RELL1: variants seen among roughly 807,000 people sequenced by gnomAD.
RELL1 encodes RELT-like protein 1.
RELL1 carries 10 observed loss-of-function variants against 23.0 expected under a neutral mutation model. The ratio of observed to expected loss-of-function variants is 0.43; its 90% CI spans 0.27 to 0.74. The LOEUF is 0.74. Among genes scored for constraint, RELL1 ranks in the 30% least tolerant of loss-of-function variants. The pLI, the probability that RELL1 is intolerant of heterozygous loss-of-function variation, is 0.19. For synonymous variants in RELL1, 146 were observed against 146.8 expected (o/e 0.99, Z 0.04); for missense variants, 315 against 364.4 (o/e 0.86, Z 1.10).
intron 3 of RELL1, among the ~76,000 whole-genome samples, chr4:37,646,594 T>C (rs1386001226): frequency 6.6e-6 from 1 of 152,210 alleles, no homozygotes; most frequent in Non-Finnish European, 1.5e-5. Flanking sequence ...TACTAAATTT[T>C]ATGTGTATTT....
At chr4:37,641,937 A>G (rs1163290976) in intron 3 of RELL1, among the ~76,000 whole-genome samples, 1 of 152,186 alleles carries the variant, frequency 6.6e-6, no homozygotes, top group East Asian at 1.9e-4. Flanking sequence ...TTACAAGTAT[A>G]CAGACTAAGA....
chr4:37,647,728 CTCA>C (rs1434988415), intron 2 of RELL1, among the ~76,000 whole-genome samples: 2 of 152,198 alleles, frequency 1.3e-5, no homozygotes, highest in African/African-American at 4.8e-5. Flanking sequence ...TTATTTCTCT[CTCA>C]TCATTTTCTT....
intron 6 of RELL1, among the ~76,000 whole-genome samples, chr4:37,617,068 A>C (rs1198399622): frequency 2.4e-4 from 37 of 152,342 alleles, no homozygotes; most frequent in Non-Finnish European, 1.5e-5. Context: ...TGTTTAACAA[A>C]CCCAATAGAT....
chr4:37,603,795 G>A (rs1719078821), intron 6 of RELL1, among the ~76,000 whole-genome samples: 1 of 152,272 alleles, frequency 6.6e-6, no homozygotes, highest in Admixed American at 6.5e-5. Context: ...AACAGGCAGT[G>A]CTGGTTGCTT....
rs1274888179 is a variant in RELL1, at chr4:37,603,811, TG to T, written c.*4-12595del. ...ACAGGCAGTGCTGGTTGCTTTTTTT[TG>T]TTGTTGTTGTTTGTTTGTTTGTTTG... On this transcript the variant is annotated intron_variant, in intron 6 of 6. Coordinates refer to the RELL1 transcript ENST00000314117. Among the ~76,000 whole-genome samples, 175 of 152,166 alleles carry T rather than the reference TG, an allele frequency of 1.2e-3. 3 individuals carry two copies. Among genetic ancestry groups the T allele is most frequent in the African/African-American group, 3.6e-3 (151 of 41,496 alleles).
rs1719347377 is a variant in RELL1 at position 37,610,749 on chromosome 4, A to AT, written c.*2596dup. On this transcript the variant is annotated 3_prime_UTR_variant, in exon 7 of 7. Coordinates refer to ENST00000454158, the MANE Select transcript of RELL1 (RefSeq NM_001085400.2). The surrounding 1 kb of genome is among the most constrained non-coding windows in gnomAD (Gnocchi z 4.1). The stretch of plus-strand genomic sequence containing the variant: ...GAAATGGTGAAAATTTTCCTTACAA[A>AT]TTTTTACATCAAGGTAGTAGCCAAC... Among the ~76,000 whole-genome samples, 1 of 152,172 alleles carries AT rather than the reference A, an allele frequency of 6.6e-6. No individual in the cohort carries two copies.
At chr4:37,598,284 A>AAAAAAAAAAAAAAG (rs869260737) in intron 6 of RELL1, among the ~76,000 whole-genome samples, 4 of 117,254 alleles carry the variant, frequency 3.4e-5, no homozygotes, top group African/African-American at 7.4e-5. Flanking sequence ...AAAAAAAAAA[A>AAAAAAAAAAAAAAG]GTTTATAGGA....
At chr4:37,660,860 T>C (rs1328423948) in intron 1 of RELL1, among the ~76,000 whole-genome samples, 10 of 151,984 alleles carry the variant, frequency 6.6e-5, no homozygotes, top group Admixed American at 2.6e-4. Flanking sequence ...TGAAACCCCG[T>C]CTCTACTAAA....
chr4:37,657,894 G>C (rs56191025), intron 1 of RELL1, among the ~76,000 whole-genome samples: 2,003 of 152,116 alleles, frequency 0.013, 44 homozygotes, highest in African/African-American at 0.046. Context: ...GGGTGGGTCA[G>C]CCTGGGGGAC....
At chr4:37,659,395 T>A (rs1721238470) in intron 1 of RELL1, among the ~76,000 whole-genome samples, 1 of 152,204 alleles carries the variant, frequency 6.6e-6, no homozygotes, top group Admixed American at 6.5e-5. Flanking sequence ...AGCAATTTTC[T>A]AGCTTGTTTC....
downstream of RELL1, among the ~76,000 whole-genome samples, chr4:37,607,459 T>G (rs1719257016): frequency 6.6e-6 from 1 of 152,246 alleles, no homozygotes; most frequent in Non-Finnish European, 1.5e-5. Flanking sequence ...CACTTTGCTG[T>G]AGTGTGCTTT....
At chr4:37,588,562 C>T (rs1718434457), downstream of RELL1, 1 of 345,468 alleles carries the variant, frequency 2.9e-6, no homozygotes, top group Non-Finnish European at 5.4e-6. Context: ...CCACCTTCTT[C>T]TCCTCATCTG....
At position 37,631,410 on chromosome 4, in the gene RELL1, C is replaced by T. The variant is rs2109258248; in HGVS notation, c.794G>A (p.Arg265Lys). ...NGEVPATPVK[R>K]ERSGTE ...CTGCTACTCTGTGCCACTGCGTTCT[C>T]TCTTCACAGGTGTTGCCGGCACCTC... is the stretch of plus-strand genomic sequence containing the variant. The change falls in exon 6 of 7, where the codon AGA becomes AAA. Residue 265 changes from arginine to lysine, a missense_variant. Arg to Lys is a conservative substitution (Grantham distance 26). Transcript: ENST00000454158. The T allele has an allele frequency of 1.9e-6, 3 of 1,614,064 alleles. No homozygotes were observed. Among genetic ancestry groups the T allele is most frequent in the South Asian group, 2.2e-5 (2 of 91,020 alleles).
chr4:37,642,682 C>T (rs1720570118), intron 3 of RELL1, among the ~76,000 whole-genome samples: 1 of 152,112 alleles, frequency 6.6e-6, no homozygotes, highest in Non-Finnish European at 1.5e-5. Context: ...GGTGGAGCCC[C>T]TAAACAGTCT....
downstream of RELL1, among the ~76,000 whole-genome samples, chr4:37,606,047 A>G (rs1719208429): frequency 6.8e-6 from 1 of 146,858 alleles, no homozygotes; most frequent in African/African-American, 2.5e-5. This position sits in a 1 kb window ranked among gnomAD's most constrained non-coding sequence, Gnocchi z 4.1. Flanking sequence ...AGAAAGAAAA[A>G]GAAGAAAGGG....
In RELL1 at chr4:37,598,965, G is replaced by A. The variant is rs926983038; in HGVS notation, c.*4-7748C>T. Reference sequence around the variant, plus strand: ...CTCCCAAAGTGCTAGGATTACAGGCGTGAGCCACCGCGCCTGGCCCAAACC... The same window carrying A: ...CTCCCAAAGTGCTAGGATTACAGGCATGAGCCACCGCGCCTGGCCCAAACC... On this transcript the variant is annotated intron_variant, in intron 6 of 6. Coordinates refer to the RELL1 transcript ENST00000314117. Among the ~76,000 whole-genome samples the A allele has an allele frequency of 3.3e-5, 5 of 152,030 alleles. No homozygotes were observed. The South Asian group carries it at 1.0e-3, about 32-fold the overall frequency.
chr4:37,604,434 ACAAATGACCAAAT>A (rs952597160), intron 6 of RELL1, among the ~76,000 whole-genome samples: 2 of 152,178 alleles, frequency 1.3e-5, no homozygotes, highest in African/African-American at 4.8e-5. Context: ...TGACTTGGTC[ACAAATGACCAAAT>A]CAACCTTTCC....
intron 1 of RELL1, among the ~76,000 whole-genome samples, chr4:37,663,277 G>A (rs762230987): frequency 1.5e-4 from 23 of 152,062 alleles, no homozygotes; most frequent in Non-Finnish European, 2.2e-4. Flanking sequence ...TGATAGCACC[G>A]TCTGTCTCCT....
chr4:37,660,859 G>A (rs561029452), intron 1 of RELL1, among the ~76,000 whole-genome samples: 49 of 152,176 alleles, frequency 3.2e-4, no homozygotes, highest in South Asian at 2.9e-3. Flanking sequence ...GTGAAACCCC[G>A]TCTCTACTAA....
Sources: allele counts gnomAD v4.1 joint callset (sites outside exome capture counted in the v4.1 genomes callset), GRCh38; gene constraint gnomAD v4.1.1; non-coding constraint Gnocchi (gnomAD v3.1); transcripts MANE v1.5; gene names NCBI Gene and HGNC (gene_info 2026-07-23, HGNC 2026-07-21).